The following IQSEC1 variants were observed in gnomAD, a reference collection of about 807,000 sequenced individuals.
IQSEC1 encodes IQ motif and SEC7 domain-containing protein 1.
A neutral mutation model predicts 91.0 loss-of-function variants in IQSEC1; 31 were observed. That is an observed-to-expected ratio of 0.34 (90% CI 0.26 to 0.46). The LOEUF (loss-of-function observed/expected upper bound fraction) is 0.46. IQSEC1 is among the 20% of genes least tolerant of loss of function. The pLI, the probability that IQSEC1 is intolerant of heterozygous loss-of-function variation, is 1.00. For synonymous variants in IQSEC1, 699 were observed against 662.6 expected (o/e 1.05, Z -0.84); for missense variants, 1,388 against 1,575.6 (o/e 0.88, Z 2.02).
intron 1 of IQSEC1, among the ~76,000 whole-genome samples, chr3:13,201,119 T>G (rs541135063): frequency 6.6e-6 from 1 of 152,318 alleles, no homozygotes; most frequent in East Asian, 1.9e-4. Flanking sequence ...TGAGTCTCAC[T>G]CTTCCATCTG....
At position 13,027,308 on chromosome 3, in the gene IQSEC1, G is replaced by A. The variant is rs143750639; in HGVS notation, c.23+45684C>T. On this transcript the variant is annotated intron_variant, in intron 1 of 13. Coordinates refer to ENST00000613206, the MANE Select transcript of IQSEC1 (RefSeq NM_001134382.3). Reference sequence around the variant, plus strand: ...TAGGATGGCCACTAATATCCAGTGCGCAGGCAGGGGCTGGGCACTCACTTC... The same window carrying A: ...TAGGATGGCCACTAATATCCAGTGCACAGGCAGGGGCTGGGCACTCACTTC... Among the ~76,000 whole-genome samples, 333 of 152,314 alleles carry A rather than the reference G, an allele frequency of 2.2e-3. 1 individual carries two copies. Among genetic ancestry groups the A allele is most frequent in the African/African-American group, 7.5e-3 (311 of 41,572 alleles).
At chr3:13,104,138 G>A (rs780031184) in intron 2 of IQSEC1, among the ~76,000 whole-genome samples, 18 of 152,104 alleles carry the variant, frequency 1.2e-4, no homozygotes, top group Non-Finnish European at 1.8e-4. Context: ...TGTCAGCTCC[G>A]ATGGGCAAGG....
intron 1 of IQSEC1, among the ~76,000 whole-genome samples, chr3:13,060,209 G>A (rs985094288): frequency 2.0e-4 from 31 of 152,192 alleles, no homozygotes; most frequent in African/African-American, 7.5e-4. Flanking sequence ...AGCAGGTAAG[G>A]GCCATCTTTG....
rs549576707 is a variant in IQSEC1 at position 12,900,114 on chromosome 3, T to A, written c.*869A>T. 1.4e-5 allele frequency: 14 copies of A among 977,088 alleles called. No individual in the cohort carries two copies. The East Asian group carries it at 1.4e-3, about 95-fold the overall frequency. 60.5% of individuals were successfully genotyped at this position (977,088 alleles called of 1,614,324 possible). On this transcript the variant is annotated 3_prime_UTR_variant, in exon 14 of 14. Transcript: ENST00000613206. Reference sequence around the variant, plus strand: ...ACTGCAGTTTAGCTATTTGCTTACCTGAAATAACAGCATTATAATACTATT... The same window carrying A: ...ACTGCAGTTTAGCTATTTGCTTACCAGAAATAACAGCATTATAATACTATT...
intron 2 of IQSEC1, among the ~76,000 whole-genome samples, chr3:13,145,425 C>T (rs766867189): frequency 5.9e-5 from 9 of 152,324 alleles, no homozygotes; most frequent in African/African-American, 9.6e-5. Context: ...AGTCGGTACT[C>T]ATGCCAGAAG....
At chr3:13,199,077 C>A (rs1254269160) in intron 1 of IQSEC1, among the ~76,000 whole-genome samples, 1 of 152,206 alleles carries the variant, frequency 6.6e-6, no homozygotes, top group East Asian at 1.9e-4. Context: ...CATTCAGCCA[C>A]ATGCATGGCA....
intron 1 of IQSEC1, among the ~76,000 whole-genome samples, chr3:13,049,512 C>T (rs1249638732): frequency 6.6e-6 from 1 of 152,220 alleles, no homozygotes. Context: ...GCTCCCACTT[C>T]ACAGAGGCTG....
intron 1 of IQSEC1, among the ~76,000 whole-genome samples, chr3:13,043,543 G>T (rs561901604): frequency 6.6e-6 from 1 of 152,196 alleles, no homozygotes; most frequent in Non-Finnish European, 1.5e-5. Flanking sequence ...TCGTGTCTAA[G>T]CTATAGCAGC....
At chr3:13,099,855 GGGCAC>G (rs1216369686) in intron 2 of IQSEC1, among the ~76,000 whole-genome samples, 3 of 152,222 alleles carry the variant, frequency 2.0e-5, no homozygotes, top group Non-Finnish European at 2.9e-5. Context: ...CCCTGGCAGA[GGGCAC>G]GGCATGTGCA....
intron 1 of IQSEC1, among the ~76,000 whole-genome samples, chr3:13,041,541 C>A (rs1704269349): frequency 6.6e-6 from 1 of 152,204 alleles, no homozygotes; most frequent in Non-Finnish European, 1.5e-5. Flanking sequence ...TCCTCCAGGT[C>A]TTTAATAACA....
intron 2 of IQSEC1, among the ~76,000 whole-genome samples, chr3:13,139,637 A>C (rs868055822): frequency 6.6e-6 from 1 of 152,208 alleles, no homozygotes; most frequent in Non-Finnish European, 1.5e-5. Flanking sequence ...CGTTTTATGA[A>C]AATTTTAAAT....
In IQSEC1 at chr3:13,021,955, G is replaced by GTACA. The variant is rs1703418200; in HGVS notation, c.23+51036_23+51037insTGTA. On this transcript the variant is annotated intron_variant, in intron 1 of 13. Transcript: ENST00000613206. ...GCTCCCTCCATCCCAGCTCCTTCCT[G>GTACA]GACCCTGTACAGCCATGCAAACCAT... is the stretch of plus-strand genomic sequence containing the variant. The GTACA allele has an allele frequency of 8.0e-6, 8 of 996,974 alleles. No homozygotes were observed. In the Middle Eastern group the frequency reaches 1.1e-3, roughly 134 times the overall value. The allele number at this position is 996,974 out of a possible 1,614,324, so 61.8% of individuals were successfully genotyped here. A position where few individuals can be genotyped will look rare whatever the true frequency, so the allele number is the denominator to read the frequency against.
At position 12,992,302 on chromosome 3, in the gene IQSEC1, G is replaced by A. The variant is rs913342945; in HGVS notation, c.24-50437C>T. The stretch of plus-strand genomic sequence containing the variant: ...TAATGGCTGGGCTGTGGGCATTGTG[G>A]CCACCCCAAGTCACCTCTCAGTTTA... On this transcript the variant is annotated intron_variant, in intron 1 of 13. Coordinates refer to ENST00000613206, the MANE Select transcript of IQSEC1 (RefSeq NM_001134382.3). This position sits in a 1 kb window ranked among gnomAD's most constrained non-coding sequence, Gnocchi z 4.1. 3.6e-5 allele frequency among the ~76,000 whole-genome samples: 5 copies of A among 137,480 alleles called. No individual in the cohort carries two copies. The highest frequency in any genetic ancestry group is 1.3e-4 in the African/African-American group (5 of 37,184). The allele number at this position is 137,480 out of a possible 152,430, so 90.2% of individuals were successfully genotyped here.
chr3:12,899,790 ACTCT>A lies in IQSEC1; in HGVS notation c.*1189_*1192del, dbSNP rs371007445. 5 of 984,758 alleles carry A rather than the reference ACTCT, an allele frequency of 5.1e-6. No homozygotes were observed. The highest frequency in any genetic ancestry group is 1.1e-4 in the East Asian group (1 of 8,798). 61.0% of individuals were successfully genotyped at this position (984,758 alleles called of 1,614,324 possible). On this transcript the variant is annotated 3_prime_UTR_variant, in exon 14 of 14. Transcript: ENST00000613206. ...TTCGAGAGTGGTTCCTGATGAAAAC[ACTCT>A]CTGAGGGCTTCGGCCTGGTGTGGGT...
intron 9 of IQSEC1, among the ~76,000 whole-genome samples, chr3:12,912,670 CAAAAAAAAAA>C (rs561314162): frequency 9.3e-5 from 5 of 54,026 alleles, no homozygotes; most frequent in Middle Eastern, 8.9e-3. Context: ...GACTCCGTCT[CAAAAAAAAAA>C]AAAAAAAAAA....
chr3:13,205,445 C>T (rs1343137198), intron 1 of IQSEC1, among the ~76,000 whole-genome samples: 2 of 152,030 alleles, frequency 1.3e-5, no homozygotes, highest in Non-Finnish European at 2.9e-5. Flanking sequence ...TGAGATGCTT[C>T]CGGACCACCT....
Position 12,935,993 on chromosome 3 carries a change from C to T in IQSEC1, c.1023G>A (p.Thr341=), listed in dbSNP as rs773884376. 18 of 1,599,864 alleles carry T rather than the reference C, an allele frequency of 1.1e-5. No homozygotes were observed. The South Asian group carries it at 1.2e-4, about 11-fold the overall frequency. The change falls in exon 3 of 14, where the codon ACG becomes ACA. Residue 341 remains threonine (T), a synonymous_variant. Coordinates refer to ENST00000613206, the MANE Select transcript of IQSEC1 (RefSeq NM_001134382.3). The surrounding 1 kb of genome is among the most constrained non-coding windows in gnomAD (Gnocchi z 8.0). Reference sequence around the variant, plus strand: ...ACGGCGTGCTCCGGCAGCTCGTGTCCGTGTCAGCCTTGTCCTCTTTGTGGG... The same window carrying T: ...ACGGCGTGCTCCGGCAGCTCGTGTCTGTGTCAGCCTTGTCCTCTTTGTGGG... The part of the protein sequence containing the change: ...ALAHKEDKAD[T]DTSCRSTPSL...
At chr3:13,040,550 C>T (rs1054609636) in intron 1 of IQSEC1, among the ~76,000 whole-genome samples, 1 of 152,162 alleles carries the variant, frequency 6.6e-6, no homozygotes, top group African/African-American at 2.4e-5. Context: ...GACCACGTGG[C>T]CCCCAGAGTG....
At chr3:13,258,625 G>A (rs1432116960) in intron 1 of IQSEC1, among the ~76,000 whole-genome samples, 1 of 152,168 alleles carries the variant, frequency 6.6e-6, no homozygotes. Flanking sequence ...AATCGAGGCT[G>A]CAGTGAGCTA....
Sources: allele counts gnomAD v4.1 joint callset (sites outside exome capture counted in the v4.1 genomes callset), GRCh38; gene constraint gnomAD v4.1.1; non-coding constraint Gnocchi (gnomAD v3.1); transcripts MANE v1.5; gene names NCBI Gene and HGNC (gene_info 2026-07-23, HGNC 2026-07-21).